The following DOCK10 variants were observed in gnomAD, a reference collection of about 807,000 sequenced individuals.
DOCK10 encodes dedicator of cytokinesis 10.
A neutral mutation model predicts 280.1 loss-of-function variants in DOCK10; 145 were observed. The ratio of observed to expected loss-of-function variants is 0.52; its 90% confidence interval spans 0.45 to 0.59. The LOEUF (loss-of-function observed/expected upper bound fraction) is 0.59. Among genes scored for constraint, DOCK10 ranks in the 20% least tolerant of loss-of-function variants. DOCK10 has a pLI of 0.00. For synonymous variants in DOCK10, 915 were observed against 942.2 expected, an observed-to-expected ratio of 0.97 and a Z score of 0.53; for missense variants, 2,368 against 2,651.7, an observed-to-expected ratio of 0.89 and a Z score of 2.35.
At position 224,845,437 on chromosome 2, in the gene DOCK10, A is replaced by C. The variant is rs1219768209; in HGVS notation, c.2359+82T>G. On this transcript the variant is annotated intron_variant, in intron 20 of 55. Transcript: ENST00000258390. ...TAAATTTCATGAAAAATAATTCAAT[A>C]AATCAGGGCTTTGAAAACACTCTCC... The C allele has an allele frequency of 1.9e-6, 3 of 1,547,644 alleles. No homozygotes were observed. The African/African-American group carries it at 4.1e-5, about 21-fold the overall frequency.
rs1258765975 is a variant in DOCK10 at position 224,786,982 on chromosome 2, C to T, written c.5655+40G>A. The T allele has an allele frequency of 1.4e-6, 2 of 1,438,412 alleles. No homozygotes were observed. The highest frequency in any genetic ancestry group is 1.1e-5 in the South Asian group (1 of 87,404). 89.1% of individuals were successfully genotyped at this position (1,438,412 alleles called of 1,614,324 possible). The stretch of plus-strand genomic sequence containing the variant: ...GAATGAAAGACAACATTCAACTGCT[C>T]AGCAGAATTTATGGGCCGTGTTATT... On this transcript the variant is annotated intron_variant, in intron 50 of 55. Transcript: ENST00000258390. The surrounding 1 kb of genome is among the most constrained non-coding windows in gnomAD (Gnocchi z 4.7).
At chr2:224,791,379 T>A (rs969000729) in intron 47 of DOCK10, among the ~76,000 whole-genome samples, 1 of 151,948 alleles carries the variant, frequency 6.6e-6, no homozygotes, top group Middle Eastern at 3.4e-3. Flanking sequence ...ATGGGTGCCA[T>A]AGGGTGCCAC....
chr2:225,000,401 G>A (rs938714156), intron 1 of DOCK10, among the ~76,000 whole-genome samples: 8 of 152,180 alleles, frequency 5.3e-5, no homozygotes, highest in Admixed American at 2.6e-4. Context: ...ACAGTCATTC[G>A]TGGAATTGTG....
intron 1 of DOCK10, among the ~76,000 whole-genome samples, chr2:225,018,540 T>TA (rs1689682124): frequency 0.011 from 72 of 6,268 alleles, 5 homozygotes; most frequent in South Asian, 0.035. Flanking sequence ...ATATGTAATA[T>TA]TATATATATA....
chr2:225,039,822 T>C (rs918198890), intron 1 of DOCK10, among the ~76,000 whole-genome samples: 21 of 152,194 alleles, frequency 1.4e-4, no homozygotes, highest in Non-Finnish European at 2.2e-4. Flanking sequence ...CTTTTGGCAA[T>C]GTCCTGGAGG....
chr2:224,926,870 T>C (rs895538015), intron 2 of DOCK10, among the ~76,000 whole-genome samples: 4 of 152,244 alleles, frequency 2.6e-5, no homozygotes, highest in African/African-American at 9.6e-5. Context: ...TTCCATCTGC[T>C]TTGTGCCAAG....
In DOCK10 at chr2:224,874,726, A is replaced by C; in HGVS notation, c.957T>G (p.Cys319Trp). ...GLDSLDNSVT[C>W]ECTPEETDSS... The stretch of plus-strand genomic sequence containing the variant: ...AATCTGTTTCCTCTGGCGTGCATTC[A>C]CAAGTTACAGAATTATCCAGCGAAT... The change falls in exon 9 of 56, where the codon TGT becomes TGG. Residue 319 changes from cysteine to tryptophan, a missense_variant. By Grantham distance (215) the Cys-to-Trp change is radical. Around this residue, in one of 2 missense-constraint regions of DOCK10, gnomAD observed 1,209 missense variants for 1,250.9 expected, o/e 0.97. Coordinates refer to ENST00000258390, the MANE Select transcript of DOCK10 (RefSeq NM_014689.3). 1 of 1,613,944 alleles carries C rather than the reference A, an allele frequency of 6.2e-7. No individual in the cohort carries two copies. The highest frequency in any genetic ancestry group is 8.5e-7 in the Non-Finnish European group (1 of 1,179,854).
At position 224,807,923 on chromosome 2, in the gene DOCK10, T is replaced by C; in HGVS notation, c.3573A>G (p.Arg1191=). Residue 1191 remains arginine, a synonymous_variant, in exon 32 of 56, where the codon CGA becomes CGG. Coordinates refer to ENST00000258390, the MANE Select transcript of DOCK10 (RefSeq NM_014689.3). ...GAAGATCACTTACTGGCTCTCTGTA[T>C]CGATCATCAAATGAATGCTTAGCCA... ...NLMAKHSFDD[R]YREPRKQAQI... 6.2e-7 allele frequency: 1 copy of C among 1,612,336 alleles called. No individual in the cohort carries two copies. Among genetic ancestry groups the C allele is most frequent in the Non-Finnish European group, 8.5e-7 (1 of 1,179,020 alleles).
At chr2:224,936,953 A>G (rs1310017271) in intron 1 of DOCK10, among the ~76,000 whole-genome samples, 4 of 152,178 alleles carry the variant, frequency 2.6e-5, no homozygotes, top group Non-Finnish European at 5.9e-5. Context: ...CTTCACATAG[A>G]AGTTCAACCA....
Position 224,797,151 on chromosome 2 carries a change from A to C in DOCK10, c.4645-5T>G. ...TTGAAAGAACGCTGAAGGAAACTGC[A>C]GAAATGGAAGAACGGGTGAAGGGAG... On this transcript the variant is annotated splice_region_variant and splice_polypyrimidine_tract_variant and intron_variant, in intron 42 of 55. Coordinates refer to ENST00000258390, the MANE Select transcript of DOCK10 (RefSeq NM_014689.3). 1 of 1,594,892 alleles carries C rather than the reference A, an allele frequency of 6.3e-7. No individual in the cohort carries two copies. Among genetic ancestry groups the C allele is most frequent in the Middle Eastern group, 1.7e-4 (1 of 5,964 alleles).
intron 28 of DOCK10, among the ~76,000 whole-genome samples, chr2:224,821,010 GA>G (rs1385080680): frequency 1.3e-5 from 2 of 152,222 alleles, no homozygotes; most frequent in African/African-American, 4.8e-5. Context: ...CAGATAAGTA[GA>G]GCTGTGACCC....
Position 225,042,080 on chromosome 2 carries a change from C to G in DOCK10, c.123+172G>C, listed in dbSNP as rs1227703948. On this transcript the variant is annotated intron_variant, in intron 1 of 55. Coordinates refer to ENST00000258390, the MANE Select transcript of DOCK10 (RefSeq NM_014689.3). The surrounding 1 kb of genome is among the most constrained non-coding windows in gnomAD (Gnocchi z 5.1). ...GGTCCTTACGCGTCGGTGGCGCTGC[C>G]TCGCTGAGGTGGCGCCGGGGGAGCC... Among the ~76,000 whole-genome samples the G allele has an allele frequency of 1.3e-5, 2 of 152,204 alleles. No homozygotes were observed.
At chr2:224,888,504 C>T (rs1035534433) in intron 4 of DOCK10, among the ~76,000 whole-genome samples, 2 of 150,062 alleles carry the variant, frequency 1.3e-5, no homozygotes, top group African/African-American at 2.5e-5. Context: ...ATAGCATTCT[C>T]TTTATTCATT....
Position 224,806,179 on chromosome 2 carries a change from T to C in DOCK10, c.3761A>G (p.His1254Arg). 6.2e-7 allele frequency: 1 copy of C among 1,611,680 alleles called. No individual in the cohort carries two copies. Among genetic ancestry groups the C allele is most frequent in the South Asian group, 1.1e-5 (1 of 90,948 alleles). ...AAATGATGTATCCACAGAGTTTGCATGTTTGATAGCTGTCTGGCTTTGAAA... is the reference window on the plus strand; with the variant it reads ...AAATGATGTATCCACAGAGTTTGCACGTTTGATAGCTGTCTGGCTTTGAAA... ...GGFQSQTAIK[H>R]ANSVDTSFSK... is the part of the protein sequence containing the mutation. The change falls in exon 34 of 56, where the codon CAT (histidine) becomes CGT (arginine). Residue 1254 changes from histidine (H) to arginine (R), a missense_variant. Transcript: ENST00000258390.
intron 7 of DOCK10, among the ~76,000 whole-genome samples, chr2:224,877,684 T>A (rs1350674415): frequency 6.6e-6 from 1 of 152,180 alleles, no homozygotes; most frequent in East Asian, 1.9e-4. Flanking sequence ...TGATTTGAAA[T>A]CTGTAGAAAG....
In DOCK10 at chr2:224,794,906, A is replaced by T. The variant is rs762718200; in HGVS notation, c.5127T>A (p.Ile1709=). 6.2e-7 allele frequency: 1 copy of T among 1,613,778 alleles called. No individual in the cohort carries two copies. The highest frequency in any genetic ancestry group is 8.5e-7 in the Non-Finnish European group (1 of 1,179,854). ...CAGATAAATCTCCGTTTCTGGCATG[A>T]ATCTTGGCCATACTTTCCAGCCAGG... is the stretch of plus-strand genomic sequence containing the variant. The part of the protein sequence containing the change: ...RRTWLESMAK[I]HARNGDLSEA... The change falls in exon 45 of 56, where the codon ATT becomes ATA. Residue 1709 remains isoleucine, a synonymous_variant. Transcript: ENST00000258390.
chr2:224,961,798 C>T (rs1319351202), intron 1 of DOCK10, among the ~76,000 whole-genome samples: 1 of 152,108 alleles, frequency 6.6e-6, no homozygotes, highest in Non-Finnish European at 1.5e-5. Flanking sequence ...AGCCACCACG[C>T]CTGGCCACAT....
intron 27 of DOCK10, among the ~76,000 whole-genome samples, chr2:224,826,273 A>C (rs1361703163): frequency 6.6e-6 from 1 of 152,164 alleles, no homozygotes; most frequent in African/African-American, 2.4e-5. Context: ...CATTTTGGCC[A>C]GGCTAGTCTT....
At chr2:224,832,836 T>C (rs1289291316) in intron 26 of DOCK10, among the ~76,000 whole-genome samples, 2 of 152,178 alleles carry the variant, frequency 1.3e-5, no homozygotes, top group Non-Finnish European at 2.9e-5. Context: ...CCACCAGCAC[T>C]AATGAAATTG....
Sources: allele counts gnomAD v4.1 joint callset (sites outside exome capture counted in the v4.1 genomes callset), GRCh38; gene constraint gnomAD v4.1.1; regional missense constraint gnomAD v4.1.1; non-coding constraint Gnocchi (gnomAD v3.1); transcripts MANE v1.5; gene names NCBI Gene and HGNC (gene_info 2026-07-23, HGNC 2026-07-21).